Variants in LRRTM4 observed in about 807,000 individuals in gnomAD.
The protein encoded by LRRTM4 is leucine-rich repeat transmembrane neuronal protein 4.
Under a neutral mutation model 47.6 loss-of-function variants are expected in LRRTM4, and 25 were observed. That is an observed-to-expected ratio of 0.53 (90% CI 0.38 to 0.73). The LOEUF is 0.73. Ranked by LOEUF, LRRTM4 falls within the 30% of genes least tolerant of loss-of-function variation. The pLI, the probability that LRRTM4 is intolerant of heterozygous loss-of-function variation, is 0.00. For synonymous variants in LRRTM4, 311 were observed against 269.5 expected, an observed-to-expected ratio of 1.15 and a Z score of -1.51; for missense variants, 638 against 713.4, an observed-to-expected ratio of 0.89 and a Z score of 1.20.
intron 3 of LRRTM4, among the ~76,000 whole-genome samples, chr2:76,846,764 A>G (rs1671848382): frequency 1.3e-5 from 2 of 152,150 alleles, no homozygotes; most frequent in South Asian, 2.1e-4. Flanking sequence ...TTTCCCAACT[A>G]TATACTAAGA....
chr2:76,941,735 C>T (rs1675149938), intron 3 of LRRTM4, among the ~76,000 whole-genome samples: 1 of 152,064 alleles, frequency 6.6e-6, no homozygotes, highest in Admixed American at 6.6e-5. Context: ...GGGTTGGTTC[C>T]AAGTCTTTGC....
intron 3 of LRRTM4, among the ~76,000 whole-genome samples, chr2:77,335,541 T>C (rs777968599): frequency 1.3e-5 from 2 of 152,218 alleles, no homozygotes; most frequent in Non-Finnish European, 1.5e-5. Context: ...TGTATCTTAC[T>C]ATTTAAGCTG....
At chr2:77,484,435 G>T (rs1677834930) in intron 3 of LRRTM4, among the ~76,000 whole-genome samples, 1 of 152,166 alleles carries the variant, frequency 6.6e-6, no homozygotes, top group African/African-American at 2.4e-5. Flanking sequence ...GTATTTAAAG[G>T]AATAATTATA....
intron 3 of LRRTM4, among the ~76,000 whole-genome samples, chr2:76,801,450 T>C (rs894820345): frequency 2.6e-5 from 4 of 151,584 alleles, no homozygotes; most frequent in African/African-American, 7.3e-5. Flanking sequence ...CACTCATAGG[T>C]GGGAATTGAA....
intron 3 of LRRTM4, among the ~76,000 whole-genome samples, chr2:76,944,960 G>A (rs1407244727): frequency 1.3e-5 from 2 of 151,992 alleles, no homozygotes; most frequent in East Asian, 1.9e-4. Flanking sequence ...AAGTTTTTAC[G>A]AGTCCAGGGC....
chr2:77,063,238 G>A (rs751202968), intron 3 of LRRTM4, among the ~76,000 whole-genome samples: 4 of 152,236 alleles, frequency 2.6e-5, no homozygotes, highest in East Asian at 1.9e-4. Context: ...GATTATAGGC[G>A]TGAGCCACTG....
intron 3 of LRRTM4, among the ~76,000 whole-genome samples, chr2:77,065,158 T>C (rs1158353307): frequency 6.6e-6 from 1 of 152,178 alleles, no homozygotes; most frequent in Admixed American, 6.5e-5. Context: ...CAAAATCCTT[T>C]CAAGGATTAC....
chr2:77,458,619 T>C (rs1676658725), intron 3 of LRRTM4, among the ~76,000 whole-genome samples: 1 of 152,012 alleles, frequency 6.6e-6, no homozygotes, highest in Non-Finnish European at 1.5e-5. Flanking sequence ...AAATAAAGTA[T>C]GCTAGTGAGA....
chr2:76,831,997 G>A (rs1315719509), intron 3 of LRRTM4, among the ~76,000 whole-genome samples: 2 of 152,134 alleles, frequency 1.3e-5, no homozygotes, highest in Non-Finnish European at 2.9e-5. Context: ...TTGTTATACT[G>A]ATTGTTAAAA....
At chr2:76,961,684 C>T (rs974769188) in intron 3 of LRRTM4, among the ~76,000 whole-genome samples, 21 of 151,278 alleles carry the variant, frequency 1.4e-4, no homozygotes, top group African/African-American at 4.4e-4. Context: ...GGCGTCACTT[C>T]AGATTCCTGA....
At chr2:77,336,208 G>A (rs1290550131) in intron 3 of LRRTM4, among the ~76,000 whole-genome samples, 1 of 146,352 alleles carries the variant, frequency 6.8e-6, no homozygotes, top group African/African-American at 2.6e-5. Context: ...AGGAAAGAAG[G>A]AAGGAAGGGA....
intron 3 of LRRTM4, among the ~76,000 whole-genome samples, chr2:77,191,040 TTAATA>T (rs1673656084): frequency 1.3e-5 from 2 of 152,266 alleles, no homozygotes; most frequent in African/African-American, 2.4e-5. Context: ...TACGTTTGAC[TTAATA>T]TAATTATAGC....
intron 3 of LRRTM4, among the ~76,000 whole-genome samples, chr2:77,433,855 GAGAAGAGCAGA>G (rs1474175623): frequency 3.3e-5 from 5 of 152,192 alleles, no homozygotes; most frequent in African/African-American, 1.2e-4. Flanking sequence ...AAACATCAGA[GAGAAGAGCAGA>G]AGAATTAATT....
At chr2:77,332,537 A>C (rs917517935) in intron 3 of LRRTM4, among the ~76,000 whole-genome samples, 1 of 152,212 alleles carries the variant, frequency 6.6e-6, no homozygotes, top group Non-Finnish European at 1.5e-5. Flanking sequence ...TCAGATACCC[A>C]ATTCCATCTG....
At chr2:77,052,160 T>TTTTA (rs1679455933) in intron 3 of LRRTM4, among the ~76,000 whole-genome samples, 1 of 142,518 alleles carries the variant, frequency 7.0e-6, no homozygotes, top group African/African-American at 2.7e-5. Flanking sequence ...CTTTTTTTTT[T>TTTTA]TTTTTTTTTT....
At chr2:77,076,272 G>A (rs1404715576) in intron 3 of LRRTM4, among the ~76,000 whole-genome samples, 1 of 152,130 alleles carries the variant, frequency 6.6e-6, no homozygotes, top group East Asian at 1.9e-4. Flanking sequence ...AACTTGAGAA[G>A]TTAACTACTC....
At chr2:77,175,431 T>C (rs1307994635) in intron 3 of LRRTM4, among the ~76,000 whole-genome samples, 2 of 152,114 alleles carry the variant, frequency 1.3e-5, no homozygotes, top group Admixed American at 6.6e-5. Flanking sequence ...TTGGCTTGGA[T>C]AGAATCCAGG....
chr2:77,246,113 T>C (rs913570723), intron 3 of LRRTM4, among the ~76,000 whole-genome samples: 16 of 152,200 alleles, frequency 1.1e-4, no homozygotes, highest in African/African-American at 3.9e-4. Context: ...TACTTTGAAA[T>C]GTGTGTGATT....
intron 3 of LRRTM4, among the ~76,000 whole-genome samples, chr2:76,886,431 G>C (rs1673078194): frequency 6.6e-6 from 1 of 152,064 alleles, no homozygotes; most frequent in South Asian, 2.1e-4. Context: ...TTGTTCCCTT[G>C]AGAGTCAAGA....
Sources: allele counts gnomAD v4.1 joint callset (sites outside exome capture counted in the v4.1 genomes callset), GRCh38; gene constraint gnomAD v4.1.1; transcripts MANE v1.5; gene names NCBI Gene and HGNC (gene_info 2026-07-23, HGNC 2026-07-21).